ZFP42: variants seen among roughly 807,000 people sequenced by gnomAD.
ZFP42 encodes the protein zinc finger protein 42 homolog.
For missense variants in ZFP42, 438 were observed against 377.1 expected, an observed-to-expected ratio of 1.16 and a Z score of -1.34; for synonymous variants, 175 against 144.6, an observed-to-expected ratio of 1.21 and a Z score of -1.51.
chr4:187,995,946 G>C (rs942960040), intron 1 of ZFP42, 106 bp downstream of exon 1: 1 of 152,302 alleles, frequency 6.6e-6, no homozygotes, highest in Non-Finnish European at 1.5e-5. Context: ...GGGAGGGGAA[G>C]CGTGTTCTCA....
intron 1 of ZFP42, among the ~76,000 whole-genome samples, chr4:187,997,160 C>G (rs912589185): frequency 6.6e-6 from 1 of 150,986 alleles, no homozygotes; most frequent in Non-Finnish European, 1.5e-5. Flanking sequence ...CGATGGCCCC[C>G]TCCTTGGGGG....
rs1733943519 is a variant in ZFP42, at chr4:188,003,697, T to G, written c.890T>G (p.Leu297Arg). 1 of 1,613,470 alleles carries G rather than the reference T, an allele frequency of 6.2e-7. No homozygotes were observed. Among genetic ancestry groups the G allele is most frequent in the African/African-American group, 1.3e-5 (1 of 74,900 alleles). Residue 297 changes from leucine to arginine, a missense_variant, in exon 4 of 4, where the codon CTA becomes CGA. Transcript: ENST00000326866. ...TCAAATAACCTGAAAGCCCACATCC[T>G]AACGCATGCAAATACGAACAAGAAT... ...IQSNNLKAHILTHANTNKNEQ... is the reference protein window; with the variant it reads ...IQSNNLKAHIRTHANTNKNEQ...
At chr4:188,002,621 A>G (rs1295141365) in intron 3 of ZFP42, 92 bp from the exon 4 acceptor site, 9 of 602,162 alleles carry the variant, frequency 1.5e-5, no homozygotes, top group African/African-American at 1.1e-4. Context: ...GAGAAGACAA[A>G]TGTATTATTG....
chr4:188,000,780 G>C (rs867986585), intron 3 of ZFP42, among the ~76,000 whole-genome samples: 2 of 152,068 alleles, frequency 1.3e-5, no homozygotes, highest in African/African-American at 4.8e-5. Flanking sequence ...TCAGGAGTTC[G>C]AGACCAGCCT....
chr4:188,001,044 T>C (rs1197246765), intron 3 of ZFP42, among the ~76,000 whole-genome samples: 1 of 152,160 alleles, frequency 6.6e-6, no homozygotes, highest in Non-Finnish European at 1.5e-5. Flanking sequence ...GCATATAACA[T>C]ATATGTATTA....
In ZFP42 at chr4:188,003,973, C is replaced by T. The variant is rs1296049903; in HGVS notation, c.*233C>T. The stretch of plus-strand genomic sequence containing the variant: ...CTTTTTTTATTTGTTTTATTTAGAA[C>T]TTTGTGTGTTCTTAAAGTGTGCTTC... On this transcript the variant is annotated 3_prime_UTR_variant, in exon 4 of 4. Coordinates refer to ENST00000326866, the MANE Select transcript of ZFP42 (RefSeq NM_174900.5). 1.1e-5 allele frequency: 5 copies of T among 439,954 alleles called. No homozygotes were observed. Among genetic ancestry groups the T allele is most frequent in the Non-Finnish European group, 2.1e-5 (5 of 241,206 alleles). The allele number at this position is 439,954 out of a possible 1,614,324, so 27.3% of individuals were successfully genotyped here.
chr4:187,997,521 C>G (rs1733649629), intron 1 of ZFP42, among the ~76,000 whole-genome samples: 1 of 152,074 alleles, frequency 6.6e-6, no homozygotes, highest in South Asian at 2.1e-4. Context: ...GCCACCGCTC[C>G]CGGTCCCACC....
In ZFP42 at chr4:188,003,791, T is replaced by C; in HGVS notation, c.*51T>C. On this transcript the variant is annotated 3_prime_UTR_variant, in exon 4 of 4. Coordinates refer to ENST00000326866, the MANE Select transcript of ZFP42 (RefSeq NM_174900.5). ...ACAGAAGAGTGATCAGTGACAAACATGCCTCATTGATTATTGTTTCTAGGA... is the reference window on the plus strand; with the variant it reads ...ACAGAAGAGTGATCAGTGACAAACACGCCTCATTGATTATTGTTTCTAGGA... The C allele has an allele frequency of 6.6e-7, 1 of 1,507,660 alleles. No individual in the cohort carries two copies. 93.4% of individuals were successfully genotyped at this position (1,507,660 alleles called of 1,614,324 possible).
At chr4:188,002,490 C>T (rs963429168) in intron 3 of ZFP42, among the ~76,000 whole-genome samples, 2 of 152,204 alleles carry the variant, frequency 1.3e-5, no homozygotes, top group Non-Finnish European at 2.9e-5. Flanking sequence ...CCACCCAACA[C>T]GTGTCAGGTG....
At position 188,003,268 on chromosome 4, in the gene ZFP42, C is replaced by T. The variant is rs770171282; in HGVS notation, c.461C>T (p.Pro154Leu). 2.8e-5 allele frequency: 45 copies of T among 1,613,926 alleles called. No individual in the cohort carries two copies. Among genetic ancestry groups the T allele is most frequent in the Non-Finnish European group, 1.4e-5 (17 of 1,180,044 alleles). The change falls in exon 4 of 4, where the codon CCT becomes CTT. Residue 154 changes from proline to leucine, a missense_variant. By Grantham distance (98) the Pro-to-Leu change is moderately conservative. Coordinates refer to ENST00000326866, the MANE Select transcript of ZFP42 (RefSeq NM_174900.5). Reference sequence around the variant, plus strand: ...TACATGACAGGCAAGAAGCTTCCGCCTGGAGGAATACCTGGCATTGACCTA... The same window carrying T: ...TACATGACAGGCAAGAAGCTTCCGCTTGGAGGAATACCTGGCATTGACCTA... ...SEYMTGKKLP[P>L]GGIPGIDLSD...
chr4:188,001,797 A>G (rs1733832524), intron 3 of ZFP42, among the ~76,000 whole-genome samples: 1 of 152,246 alleles, frequency 6.6e-6, no homozygotes, highest in Non-Finnish European at 1.5e-5. Flanking sequence ...ACGAGCTCAC[A>G]TAGCGGCCAG....
chr4:188,003,497 A>G lies in ZFP42; in HGVS notation c.690A>G (p.Ser230=). ...GTGGGAAAGCGTTCGTTGAGAGCTC[A>G]AAACTAAAGAGACATTTCCTGGTTC... The part of the protein sequence containing the change: ...AECGKAFVES[S]KLKRHFLVHT... The change falls in exon 4 of 4, where the codon TCA becomes TCG. Residue 230 remains serine (S), a synonymous_variant. Coordinates refer to ENST00000326866, the MANE Select transcript of ZFP42 (RefSeq NM_174900.5). The G allele has an allele frequency of 6.2e-7, 1 of 1,613,838 alleles. No individual in the cohort carries two copies. Among genetic ancestry groups the G allele is most frequent in the Non-Finnish European group, 8.5e-7 (1 of 1,180,034 alleles).
In ZFP42 at chr4:188,003,734, A is replaced by C; in HGVS notation, c.927A>C (p.Gly309=). The C allele has an allele frequency of 6.2e-7, 1 of 1,607,130 alleles. No homozygotes were observed. Among genetic ancestry groups the C allele is most frequent in the Non-Finnish European group, 8.5e-7 (1 of 1,174,542 alleles). ...HANTNKNEQE[G]K is the part of the protein sequence containing the mutation. ...ATACGAACAAGAATGAACAAGAGGG[A>C]AAGTAGTCCTCCAACAGGATGAAGC... Residue 309 remains glycine (G), a synonymous_variant, in exon 4 of 4, where the codon GGA becomes GGC. Transcript: ENST00000326866.
chr4:188,002,555 G>A (rs989643781), intron 3 of ZFP42, among the ~76,000 whole-genome samples, 158 bp from the exon 4 acceptor site: 3 of 152,202 alleles, frequency 2.0e-5, no homozygotes, highest in Admixed American at 2.0e-4. Flanking sequence ...GATAAGATCT[G>A]TTTATGACTC....
At chr4:188,001,620 CGT>C (rs1350769847) in intron 3 of ZFP42, among the ~76,000 whole-genome samples, 4 of 152,156 alleles carry the variant, frequency 2.6e-5, no homozygotes, top group Non-Finnish European at 5.9e-5. Context: ...GCTTCTGTGC[CGT>C]GCTACAACGG....
At chr4:187,998,599 G>T (rs1246837533) in intron 1 of ZFP42, among the ~76,000 whole-genome samples, 2 of 152,032 alleles carry the variant, frequency 1.3e-5, no homozygotes, top group Non-Finnish European at 2.9e-5. Flanking sequence ...TTTATCTTTT[G>T]TACAGTATTT....
intron 1 of ZFP42, among the ~76,000 whole-genome samples, chr4:187,997,225 A>ATTTT (rs1484017532): frequency 2.7e-5 from 1 of 36,500 alleles, no homozygotes; most frequent in Non-Finnish European, 4.6e-5. Flanking sequence ...CCCCTCTCAT[A>ATTTT]TTCTTTTTTT....
In ZFP42 at chr4:188,002,940, G is replaced by A; in HGVS notation, c.133G>A (p.Ala45Thr). The A allele has an allele frequency of 6.2e-7, 1 of 1,614,200 alleles. No individual in the cohort carries two copies. Among genetic ancestry groups the A allele is most frequent in the South Asian group, 1.1e-5 (1 of 91,086 alleles). The stretch of plus-strand genomic sequence containing the variant: ...GCAGGCGGAAATAGAACCTGTCAGC[G>A]CGGTGTGGGCCTTATGTGATGGCTA... ...DLQAEIEPVS[A>T]VWALCDGYVC... is the part of the protein sequence containing the mutation. The change falls in exon 4 of 4, where the codon GCG (alanine) becomes ACG (threonine). Residue 45 changes from alanine (A) to threonine (T), a missense_variant. Coordinates refer to ENST00000326866, the MANE Select transcript of ZFP42 (RefSeq NM_174900.5).
At chr4:187,996,854 C>G (rs1022378854) in intron 1 of ZFP42, among the ~76,000 whole-genome samples, 2 of 152,152 alleles carry the variant, frequency 1.3e-5, no homozygotes, top group Non-Finnish European at 2.9e-5. Flanking sequence ...AAAAAACTTG[C>G]TGTTTGCTTG....
Sources: gnomAD v4.1 joint callset for allele counts (sites outside exome capture counted in the v4.1 genomes callset) on GRCh38, gnomAD v4.1.1 for gene constraint, MANE v1.5 for transcripts, NCBI Gene and HGNC (gene_info 2026-07-23, HGNC 2026-07-21) for gene names.